The following SLC24A2 variants were observed in gnomAD, a reference collection of about 807,000 sequenced individuals.
The protein encoded by SLC24A2 is sodium/potassium/calcium exchanger 2.
SLC24A2 carries 36 observed loss-of-function variants against 62.0 expected under a neutral mutation model. The observed-to-expected ratio is 0.58, with a 90% confidence interval of 0.44 to 0.77. The LOEUF is 0.77. Among genes scored for constraint, SLC24A2 ranks in the 30% least tolerant of loss-of-function variants. The probability of loss-of-function intolerance (pLI) is 0.00; values close to 1 mark genes in which losing one functional copy is unlikely to be tolerated. For missense variants in SLC24A2, 846 were observed against 817.9 expected, an observed-to-expected ratio of 1.03 and a Z score of -0.42; for synonymous variants, 358 against 294.0, an observed-to-expected ratio of 1.22 and a Z score of -2.23.
chr9:20,011,414 A>T, the SLC24A2 span, among the ~76,000 whole-genome samples: 1 of 152,110 alleles, frequency 6.6e-6, no homozygotes, highest in African/African-American at 2.4e-5. Flanking sequence ...TCTTCTTTTG[A>T]GAAGTGTCTC....
At chr9:19,629,546 G>T (rs542327060) in intron 2 of SLC24A2, among the ~76,000 whole-genome samples, 1 of 152,262 alleles carries the variant, frequency 6.6e-6, no homozygotes, top group East Asian at 1.9e-4. Context: ...TCTCTTGAAG[G>T]TCATAGGGGC....
the SLC24A2 span, among the ~76,000 whole-genome samples, chr9:19,901,855 T>C: frequency 1.4e-5 from 2 of 147,738 alleles, no homozygotes; most frequent in Non-Finnish European, 3.0e-5. Context: ...ACAGGCGGGG[T>C]GGGAGGGGGG....
chr9:19,618,904 C>G (rs1817837119), intron 4 of SLC24A2, among the ~76,000 whole-genome samples: 1 of 152,156 alleles, frequency 6.6e-6, no homozygotes, highest in Admixed American at 6.5e-5. Flanking sequence ...AATATTTATG[C>G]AGCTGAAGAA....
At chr9:19,518,266 A>C (rs1586876748) in intron 10 of SLC24A2, among the ~76,000 whole-genome samples, 2 of 152,314 alleles carry the variant, frequency 1.3e-5, no homozygotes, top group Non-Finnish European at 2.9e-5. Context: ...CTACAGGAAA[A>C]TAGCCATAAT....
At chr9:19,841,188 T>C in the SLC24A2 span, among the ~76,000 whole-genome samples, 1 of 152,138 alleles carries the variant, frequency 6.6e-6, no homozygotes, top group East Asian at 1.9e-4. Context: ...AGCATCTCTG[T>C]TTTTGTGGAG....
At chr9:20,122,424 C>T in the SLC24A2 span, among the ~76,000 whole-genome samples, 5 of 152,204 alleles carry the variant, frequency 3.3e-5, no homozygotes, top group Admixed American at 6.5e-5. Flanking sequence ...CGGTGGCTCA[C>T]GCCTGTAATC....
At chr9:20,219,451 T>C in the SLC24A2 span, among the ~76,000 whole-genome samples, 1 of 152,194 alleles carries the variant, frequency 6.6e-6, no homozygotes, top group African/African-American at 2.4e-5. Flanking sequence ...CACTTTGGTA[T>C]TGCTTCCTCA....
chr9:19,533,370 C>A (rs546599284), intron 8 of SLC24A2, among the ~76,000 whole-genome samples: 1 of 152,270 alleles, frequency 6.6e-6, no homozygotes, highest in South Asian at 2.1e-4. Context: ...TGGTGGACTG[C>A]AAAAATGGGC....
At chr9:19,847,903 T>C in the SLC24A2 span, among the ~76,000 whole-genome samples, 1 of 152,162 alleles carries the variant, frequency 6.6e-6, no homozygotes, top group Non-Finnish European at 1.5e-5. Flanking sequence ...GTTGGGTCAT[T>C]TTATGTTTGG....
chr9:20,279,340 G>C, the SLC24A2 span, among the ~76,000 whole-genome samples: 6 of 152,314 alleles, frequency 3.9e-5, no homozygotes, highest in East Asian at 1.2e-3. Context: ...AGACCAGCTT[G>C]TCCAACATGG....
chr9:19,803,979 A>G, the SLC24A2 span, among the ~76,000 whole-genome samples: 1 of 152,168 alleles, frequency 6.6e-6, no homozygotes, highest in Non-Finnish European at 1.5e-5. Flanking sequence ...AAGAAATTTT[A>G]TTTAGTGAAG....
intron 2 of SLC24A2, among the ~76,000 whole-genome samples, chr9:19,711,443 C>G (rs569277458): frequency 6.6e-6 from 1 of 152,170 alleles, no homozygotes; most frequent in East Asian, 1.9e-4. Context: ...ACAACCAATG[C>G]CATAAACATT....
At chr9:19,900,595 G>A in the SLC24A2 span, among the ~76,000 whole-genome samples, 2 of 152,134 alleles carry the variant, frequency 1.3e-5, no homozygotes, top group East Asian at 1.9e-4. Flanking sequence ...AGGCATACTA[G>A]TAAGACTTAT....
the SLC24A2 span, among the ~76,000 whole-genome samples, chr9:20,076,063 C>G: frequency 6.6e-6 from 1 of 152,134 alleles, no homozygotes; most frequent in Non-Finnish European, 1.5e-5. Context: ...AGAAAAAAGT[C>G]TGAATGCTTT....
the SLC24A2 span, among the ~76,000 whole-genome samples, chr9:20,036,870 A>G: frequency 2.7e-5 from 4 of 150,704 alleles, 1 homozygote; most frequent in African/African-American, 9.8e-5. Flanking sequence ...ATACATATGT[A>G]TATATGTGTG....
chr9:20,178,576 A>G, the SLC24A2 span, among the ~76,000 whole-genome samples: 3 of 152,100 alleles, frequency 2.0e-5, no homozygotes, highest in Admixed American at 6.6e-5. Context: ...CCCCTCAGGA[A>G]CTCACTTTTC....
At chr9:20,132,767 G>C in the SLC24A2 span, among the ~76,000 whole-genome samples, 2 of 151,738 alleles carry the variant, frequency 1.3e-5, no homozygotes, top group African/African-American at 4.8e-5. Flanking sequence ...CTAAAACTTA[G>C]GTTTTCTTAT....
the SLC24A2 span, among the ~76,000 whole-genome samples, chr9:20,090,196 A>G: frequency 6.6e-6 from 1 of 152,168 alleles, no homozygotes; most frequent in Non-Finnish European, 1.5e-5. Flanking sequence ...CCCACAGCAC[A>G]GAGCCCCCAT....
the SLC24A2 span, among the ~76,000 whole-genome samples, chr9:20,155,292 C>T: frequency 4.0e-5 from 6 of 151,736 alleles, no homozygotes; most frequent in Non-Finnish European, 7.4e-5. Flanking sequence ...ATTCCTCATA[C>T]CACCTGTCCA....
Sources: gnomAD v4.1 joint callset for allele counts (sites outside exome capture counted in the v4.1 genomes callset) on GRCh38, gnomAD v4.1.1 for gene constraint, MANE v1.5 for transcripts, NCBI Gene and HGNC (gene_info 2026-07-23, HGNC 2026-07-21) for gene names.